RNF19B: variants seen among roughly 807,000 people sequenced by gnomAD.
The protein encoded by RNF19B is E3 ubiquitin-protein ligase RNF19B.
A neutral mutation model predicts 65.5 loss-of-function variants in RNF19B; 23 were observed. That is an observed-to-expected ratio of 0.35 (90% CI 0.25 to 0.50). The LOEUF (loss-of-function observed/expected upper bound fraction) is 0.50, where lower values mean the gene tolerates loss of function less well. RNF19B is among the 20% of genes least tolerant of loss of function. The pLI, the probability that RNF19B is intolerant of heterozygous loss-of-function variation, is 0.98. For synonymous variants in RNF19B, 372 were observed against 379.6 expected (o/e 0.98, Z 0.23); for missense variants, 794 against 980.0 (o/e 0.81, Z 2.53).
Position 32,944,157 on chromosome 1 carries a change from T to C in RNF19B, c.1264A>G (p.Ile422Val). 1 of 1,610,126 alleles carries C rather than the reference T, an allele frequency of 6.2e-7. No homozygotes were observed. Among genetic ancestry groups the C allele is most frequent in the South Asian group, 1.1e-5 (1 of 90,440 alleles). The part of the protein sequence containing the change: ...SPVIAAVSVG[I>V]GVPIMLAYVY... ...TATGCCAGCATAATGGGGACACCAA[T>C]ACCTGGGGGAAGAGAAGGAAACATG... The change falls in exon 6 of 9, where the codon ATT becomes GTT. Residue 422 changes from isoleucine to valine, a missense_variant and splice_region_variant. Around this residue, in one of 3 missense-constraint regions of RNF19B, gnomAD observed 368 missense variants for 447.3 expected, o/e 0.82. Transcript: ENST00000235150.
chr1:32,954,456 C>T (rs886227817), intron 1 of RNF19B, among the ~76,000 whole-genome samples: 2 of 151,680 alleles, frequency 1.3e-5, no homozygotes, highest in African/African-American at 4.8e-5. Context: ...ATCTCCAAAC[C>T]GGCCTGGTGC....
chr1:32,958,845 A>T (rs1047285748), intron 1 of RNF19B, among the ~76,000 whole-genome samples: 1 of 152,206 alleles, frequency 6.6e-6, no homozygotes, highest in African/African-American at 2.4e-5. Context: ...AGTCTTAGGC[A>T]GGGGAGTGAT....
intron 1 of RNF19B, among the ~76,000 whole-genome samples, chr1:32,953,144 T>A (rs1642550674): frequency 1.3e-5 from 2 of 151,670 alleles, no homozygotes; most frequent in Non-Finnish European, 2.9e-5. Flanking sequence ...CTTTTTATTT[T>A]TTTTTTGTAG....
In RNF19B at chr1:32,964,284, G is replaced by A. The variant is rs1642846299; in HGVS notation, c.402C>T (p.Leu134=). 6.5e-7 allele frequency: 1 copy of A among 1,528,600 alleles called. No homozygotes were observed. The highest frequency in any genetic ancestry group is 2.6e-5 in the East Asian group (1 of 38,264). 94.7% of individuals were successfully genotyped at this position (1,528,600 alleles called of 1,614,324 possible). The change falls in exon 1 of 9, where the codon CTC becomes CTT. Residue 134 remains leucine, a synonymous_variant. Coordinates refer to ENST00000235150, the MANE Select transcript of RNF19B (RefSeq NM_001300826.2). This position sits in a 1 kb window ranked among gnomAD's most constrained non-coding sequence, Gnocchi z 6.5. The part of the protein sequence containing the change: ...VRLPPERAPR[L]LSCPHRSCRD... ...GGCACGAGCGGTGCGGACAGCTGAG[G>A]AGGCGCGGGGCCCGCTCAGGCGGCA... is the stretch of plus-strand genomic sequence containing the variant.
chr1:32,938,385 C>G lies in RNF19B; in HGVS notation c.1742+12G>C. 6.2e-7 allele frequency: 1 copy of G among 1,614,108 alleles called. No homozygotes were observed. The highest frequency in any genetic ancestry group is 1.6e-4 in the Middle Eastern group (1 of 6,062). On this transcript the variant is annotated intron_variant, in intron 8 of 8. Transcript: ENST00000235150. ...AATGCAACCTCTCCTGGACATCTGA[C>G]TGTTCACATACCTGTCCTGTGGGTT...
chr1:32,958,605 A>C (rs1335851468), intron 1 of RNF19B, among the ~76,000 whole-genome samples: 5 of 151,908 alleles, frequency 3.3e-5, no homozygotes, highest in Non-Finnish European at 5.9e-5. Flanking sequence ...AGTCCCAGCT[A>C]CTCAGGAGGC....
chr1:32,949,477 C>A (rs772692227), intron 2 of RNF19B, 92 bp downstream of exon 2: 2 of 1,050,208 alleles, frequency 1.9e-6, no homozygotes, highest in Non-Finnish European at 2.9e-6. Flanking sequence ...CTTTGGAGTA[C>A]TTGGGTTATA....
intron 7 of RNF19B, among the ~76,000 whole-genome samples, chr1:32,941,893 T>G (rs538248050): frequency 6.6e-6 from 1 of 151,812 alleles, no homozygotes; most frequent in Non-Finnish European, 1.5e-5. Flanking sequence ...GTCAGGAGAT[T>G]GAGACCATCC....
chr1:32,933,641 G>A (rs1364172999), downstream of RNF19B, among the ~76,000 whole-genome samples: 4 of 152,152 alleles, frequency 2.6e-5, 1 homozygote, highest in Non-Finnish European at 2.9e-5. Flanking sequence ...GTGTCGCTAA[G>A]GATTAGAATA....
chr1:32,929,237 C>T, the RNF19B span, among the ~76,000 whole-genome samples: 3 of 152,198 alleles, frequency 2.0e-5, no homozygotes, highest in Non-Finnish European at 2.9e-5. Flanking sequence ...TCACATGGTA[C>T]TTAGCCTATG....
chr1:32,946,329 TC>T, intron 4 of RNF19B, 72 bp downstream of exon 4: 1 of 1,336,680 alleles, frequency 7.5e-7, no homozygotes, highest in Non-Finnish European at 1.0e-6. Flanking sequence ...CATAGCTCCT[TC>T]CCATTTCCCT....
chr1:32,946,480 A>G lies in RNF19B; in HGVS notation c.1068T>C (p.Ala356=). 6.2e-7 allele frequency: 1 copy of G among 1,614,040 alleles called. No homozygotes were observed. The highest frequency in any genetic ancestry group is 8.5e-7 in the Non-Finnish European group (1 of 1,179,882). ...ILWQLGTLIG[A]PVGISLIAGI... ...CAGCAATGAGAGAAATCCCCACTGG[A>G]GCACCAATCAACGTGCCCAGCTGCC... is the stretch of plus-strand genomic sequence containing the variant. Residue 356 remains alanine, a synonymous_variant, in exon 4 of 9, where the codon GCT becomes GCC. Coordinates refer to ENST00000235150, the MANE Select transcript of RNF19B (RefSeq NM_001300826.2).
At chr1:32,952,748 CAAAA>C (rs36076202) in intron 1 of RNF19B, among the ~76,000 whole-genome samples, 2 of 130,926 alleles carry the variant, frequency 1.5e-5, no homozygotes, top group Non-Finnish European at 3.3e-5. Flanking sequence ...GACTCCATCT[CAAAA>C]AAAAAAAAAA....
intron 1 of RNF19B, 120 bp downstream of exon 1, chr1:32,963,931 C>A (rs1642834618): frequency 9.7e-6 from 13 of 1,344,854 alleles, no homozygotes; most frequent in Non-Finnish European, 1.1e-5. Context: ...GTTACCACCC[C>A]GCCGAAGCTG....
chr1:32,951,079 C>T (rs375558900), intron 1 of RNF19B, among the ~76,000 whole-genome samples: 3 of 151,506 alleles, frequency 2.0e-5, no homozygotes, highest in South Asian at 2.1e-4. Flanking sequence ...CCTTATGATC[C>T]GCCCTCCTCG....
rs2124203758 is a variant in RNF19B, at chr1:32,964,479, A to G, written c.207T>C (p.Pro69=). ...PAAQPPPAPA[P]AAAQGPPPEA... ...CGGGCGGCGGGCCCTGGGCCGCGGC[A>G]GGGGCCGGGGCGGGCGGCGGCTGCG... is the stretch of plus-strand genomic sequence containing the variant. The change falls in exon 1 of 9, where the codon CCT becomes CCC. Residue 69 remains proline (P), a synonymous_variant. Transcript: ENST00000235150. The surrounding 1 kb of genome is among the most constrained non-coding windows in gnomAD (Gnocchi z 6.5). 1 of 941,288 alleles carries G rather than the reference A, an allele frequency of 1.1e-6. No homozygotes were observed. The highest frequency in any genetic ancestry group is 1.3e-6 in the Non-Finnish European group (1 of 797,812). 58.3% of individuals were successfully genotyped at this position (941,288 alleles called of 1,614,324 possible).
chr1:32,938,914 G>A (rs1034958515), intron 7 of RNF19B, among the ~76,000 whole-genome samples: 1 of 152,084 alleles, frequency 6.6e-6, no homozygotes, highest in African/African-American at 2.4e-5. Context: ...AGGCATTAAG[G>A]TCTTCCTGAT....
chr1:32,938,258 T>C (rs878890004), intron 8 of RNF19B, 139 bp downstream of exon 8: 1 of 831,114 alleles, frequency 1.2e-6, no homozygotes, highest in Admixed American at 2.4e-5. Context: ...ACCAAGAACT[T>C]GCTCAAATGA....
chr1:32,963,296 C>T (rs1570131383), intron 1 of RNF19B, among the ~76,000 whole-genome samples: 1 of 152,262 alleles, frequency 6.6e-6, no homozygotes, highest in Admixed American at 6.5e-5. Context: ...AGGGAGAACA[C>T]GCCTTCTTCT....
Sources: allele counts gnomAD v4.1 joint callset (sites outside exome capture counted in the v4.1 genomes callset), GRCh38; gene constraint gnomAD v4.1.1; regional missense constraint gnomAD v4.1.1; non-coding constraint Gnocchi (gnomAD v3.1); transcripts MANE v1.5; gene names NCBI Gene and HGNC (gene_info 2026-07-23, HGNC 2026-07-21).